ZNF83: variants seen among roughly 807,000 people sequenced by gnomAD.
ZNF83 encodes zinc finger protein 816B.
For synonymous variants in ZNF83, 209 were observed against 213.0 expected (o/e 0.98, Z 0.17); for missense variants, 552 against 629.9 (o/e 0.88, Z 1.32).
intron 2 of ZNF83, among the ~76,000 whole-genome samples, chr19:52,658,745 G>A (rs1290841219): frequency 6.6e-6 from 1 of 152,126 alleles, no homozygotes; most frequent in Non-Finnish European, 1.5e-5. Context: ...GGCTTCCCCA[G>A]TTAAGCCTGT....
At chr19:52,652,441 G>GA (rs1037919372) in intron 3 of ZNF83, 452 of 382,734 alleles carry the variant, frequency 1.2e-3, no homozygotes, top group South Asian at 1.7e-3. Context: ...TCTGAAAAAA[G>GA]AAAAAAAAAT....
intron 2 of ZNF83, among the ~76,000 whole-genome samples, chr19:52,628,821 C>T (rs2060840726): frequency 6.6e-6 from 1 of 151,458 alleles, no homozygotes; most frequent in Admixed American, 6.6e-5. Flanking sequence ...TATATCTCTG[C>T]ACCCCAATCC....
intron 1 of ZNF83, among the ~76,000 whole-genome samples, chr19:52,668,275 A>C (rs2061680695): frequency 6.6e-6 from 1 of 152,162 alleles, no homozygotes; most frequent in Non-Finnish European, 1.5e-5. Flanking sequence ...TACAGCAGAA[A>C]GGGAGGGACA....
chr19:52,659,853 G>C (rs947523093), intron 2 of ZNF83, among the ~76,000 whole-genome samples: 9 of 152,106 alleles, frequency 5.9e-5, no homozygotes, highest in African/African-American at 2.2e-4. Flanking sequence ...ACAGCCAAAA[G>C]AAGAGCTAAC....
chr19:52,684,071 T>C (rs2061972902), intron 1 of ZNF83, among the ~76,000 whole-genome samples: 1 of 151,982 alleles, frequency 6.6e-6, no homozygotes, highest in Admixed American at 6.6e-5. Flanking sequence ...CTGTCTCTAC[T>C]AAAAATACAA....
chr19:52,687,533 TTA>T lies in ZNF83; in HGVS notation c.-283+2908_-283+2909del, dbSNP rs1439996773. ...ATTATATATAAATTTTATATATAAATTATATATATAAATTATATGTGTAAATT... is the reference window on the plus strand; with the variant it reads ...ATTATATATAAATTTTATATATAAATTATATATAAATTATATGTGTAAATT... On this transcript the variant is annotated intron_variant, in intron 1 of 5. Coordinates refer to the ZNF83 transcript ENST00000594682. Among the ~76,000 whole-genome samples, 64 of 36,888 alleles carry T rather than the reference TTA, an allele frequency of 1.7e-3. 25 individuals carry two copies. The highest frequency in any genetic ancestry group is 2.1e-3 in the Non-Finnish European group (35 of 16,304). The allele number at this position is 36,888 out of a possible 152,430, so 24.2% of individuals were successfully genotyped here.
intron 2 of ZNF83, among the ~76,000 whole-genome samples, chr19:52,630,387 T>C (rs1411424063): frequency 6.6e-6 from 1 of 152,208 alleles, no homozygotes; most frequent in East Asian, 1.9e-4. Flanking sequence ...TTCAAGGGCC[T>C]GTTTCTCTTG....
At position 52,684,188 on chromosome 19, in the gene ZNF83, G is replaced by A. The variant is rs568515809; in HGVS notation, c.-283+6255C>T. Among the ~76,000 whole-genome samples the A allele has an allele frequency of 2.0e-4, 31 of 152,164 alleles. 1 individual carries two copies. Among genetic ancestry groups the A allele is most frequent in the Middle Eastern group, 6.8e-3 (2 of 294 alleles). On this transcript the variant is annotated intron_variant, in intron 1 of 5. Transcript: ENST00000594682. The stretch of plus-strand genomic sequence containing the variant: ...GTTTGAGACCAGCCTGGCCAACATC[G>A]TGAAACTGCATCTCTACTAAAAACA...
intron 1 of ZNF83, among the ~76,000 whole-genome samples, chr19:52,675,217 C>G (rs567445647): frequency 5.4e-4 from 83 of 152,300 alleles, no homozygotes; most frequent in Middle Eastern, 3.4e-3. Flanking sequence ...AACATTACTT[C>G]TCAAATAAGG....
chr19:52,634,007 C>T (rs10412232), intron 2 of ZNF83, among the ~76,000 whole-genome samples: 101,430 of 151,756 alleles, frequency 0.67, 34,526 homozygotes, highest in African/African-American at 0.74. Context: ...CCGTGGCTCG[C>T]GCCTGTAATC....
rs560464978 is a variant in ZNF83, at chr19:52,613,696, T to TC, written c.868_869insG (p.Lys290ArgfsTer3). On this transcript the variant is annotated frameshift_variant, in exon 3 of 3. Transcript: ENST00000301096. LOFTEE classifies it low-confidence loss of function (END_TRUNC). ...GAAGACCTTGCCACACTCATTACATTTGTAAGGTTTCTCTCCAGTGTGGAT... is the reference window on the plus strand; with the variant it reads ...GAAGACCTTGCCACACTCATTACATTCTGTAAGGTTTCTCTCCAGTGTGGAT... 5.4e-6 allele frequency: 6 copies of TC among 1,111,602 alleles called. No individual in the cohort carries two copies. The Admixed American group carries it at 3.2e-4, about 59-fold the overall frequency. 68.9% of individuals were successfully genotyped at this position (1,111,602 alleles called of 1,614,324 possible).
chr19:52,687,633 G>GTGTATA lies in ZNF83; in HGVS notation c.-283+2809_-283+2810insTATACA, dbSNP rs1555792757. On this transcript the variant is annotated intron_variant, in intron 1 of 5. Transcript: ENST00000594682. ...TATAATGTGTATATATATATATAAT[G>GTGTATA]TATATATATATATATATATATATAA... Among the ~76,000 whole-genome samples, 15 of 27,846 alleles carry GTGTATA rather than the reference G, an allele frequency of 5.4e-4. 3 individuals carry two copies. The highest frequency in any genetic ancestry group is 2.8e-3 in the African/African-American group (9 of 3,234). 18.3% of individuals were successfully genotyped at this position (27,846 alleles called of 152,430 possible).
intron 2 of ZNF83, among the ~76,000 whole-genome samples, chr19:52,634,695 C>T (rs996065782): frequency 6.6e-6 from 1 of 152,156 alleles, no homozygotes; most frequent in Admixed American, 6.6e-5. Flanking sequence ...GACATTAATA[C>T]GTGACTTCCA....
upstream of ZNF83, among the ~76,000 whole-genome samples, chr19:52,641,379 G>C (rs561131493): frequency 6.6e-6 from 1 of 152,264 alleles, no homozygotes; most frequent in South Asian, 2.1e-4. Context: ...GTATATAATT[G>C]ATCATTTATT....
intron 1 of ZNF83, chr19:52,674,117 A>T (rs1306506694): frequency 3.9e-5 from 6 of 152,042 alleles, no homozygotes; most frequent in Non-Finnish European, 8.8e-5. Context: ...ATGGCTCTAG[A>T]CCAAATCCAC....
intron 2 of ZNF83, among the ~76,000 whole-genome samples, chr19:52,620,270 C>G (rs79423271): frequency 0.31 from 44,757 of 143,342 alleles, 7,587 homozygotes; most frequent in East Asian, 0.52. Context: ...GTGTATATCT[C>G]TGTGTGTGTG....
At chr19:52,635,373 G>C in intron 1 of ZNF83, 1 of 277,588 alleles carries the variant, frequency 3.6e-6, no homozygotes, top group Non-Finnish European at 6.7e-6. Context: ...GCAGCAGTGG[G>C]GAGCTGGGCT....
At chr19:52,668,719 C>A (rs1046185882) in intron 1 of ZNF83, among the ~76,000 whole-genome samples, 8 of 152,164 alleles carry the variant, frequency 5.3e-5, no homozygotes, top group African/African-American at 1.9e-4. Context: ...ATCAAATATT[C>A]CCTCTGCATG....
intron 1 of ZNF83, among the ~76,000 whole-genome samples, chr19:52,689,071 TGCA>T (rs2062098645): frequency 1.3e-5 from 2 of 152,162 alleles, no homozygotes; most frequent in Admixed American, 1.3e-4. Flanking sequence ...TTTCCTTTGA[TGCA>T]GCTACAAGGC....
Sources: gnomAD v4.1 joint callset for allele counts (sites outside exome capture counted in the v4.1 genomes callset) on GRCh38, gnomAD v4.1.1 for gene constraint, MANE v1.5 for transcripts, NCBI Gene and HGNC (gene_info 2026-07-23, HGNC 2026-07-21) for gene names.